The following TSPAN18 variants were observed in gnomAD, a reference collection of about 807,000 sequenced individuals.
TSPAN18 encodes the protein tetraspanin 18.
A neutral mutation model predicts 27.3 loss-of-function variants in TSPAN18; 14 were observed. The observed-to-expected ratio is 0.51, with a 90% CI of 0.34 to 0.80. TSPAN18 has a LOEUF of 0.80. Among genes scored for constraint, TSPAN18 ranks in the 30% least tolerant of loss-of-function variants. The pLI, the probability that TSPAN18 is intolerant of heterozygous loss-of-function variation, is 0.01. For synonymous variants in TSPAN18, 143 were observed against 136.5 expected (o/e 1.05, Z -0.33); for missense variants, 268 against 323.9 (o/e 0.83, Z 1.32).
intron 2 of TSPAN18, among the ~76,000 whole-genome samples, chr11:44,835,929 G>A (rs953680124): frequency 6.6e-6 from 1 of 152,136 alleles, no homozygotes; most frequent in African/African-American, 2.4e-5. Flanking sequence ...ACCCTTATAT[G>A]ATGGTGGATT....
At chr11:44,846,644 G>C (rs149974442) in intron 2 of TSPAN18, among the ~76,000 whole-genome samples, 84 of 151,910 alleles carry the variant, frequency 5.5e-4, no homozygotes, top group African/African-American at 1.8e-3. Flanking sequence ...GTGTGCACCT[G>C]TGCTGGGGCC....
At chr11:44,884,522 C>A (rs1003932117) in intron 3 of TSPAN18, among the ~76,000 whole-genome samples, 1 of 152,308 alleles carries the variant, frequency 6.6e-6, no homozygotes, top group South Asian at 2.1e-4. Context: ...GGAAAGATCC[C>A]CCCTGTGCGG....
At position 44,929,298 on chromosome 11, in the gene TSPAN18, T is replaced by C; in HGVS notation, c.*120T>C. ...GGGGAGAAGATGAGGCCATCAGAGA[T>C]GGCCAGGAGAAGGGCCAGGGGAATA... On this transcript the variant is annotated 3_prime_UTR_variant, in exon 10 of 10. Transcript: ENST00000520358. The C allele has an allele frequency of 1.6e-6, 2 of 1,275,950 alleles. No homozygotes were observed. The highest frequency in any genetic ancestry group is 2.3e-5 in the East Asian group (1 of 42,976). 79.0% of individuals were successfully genotyped at this position (1,275,950 alleles called of 1,614,324 possible).
At chr11:44,793,967 G>A (rs1233971620) in intron 2 of TSPAN18, among the ~76,000 whole-genome samples, 1 of 152,040 alleles carries the variant, frequency 6.6e-6, no homozygotes, top group Non-Finnish European at 1.5e-5. Context: ...TTTCTGAAAG[G>A]TTGAGGAACA....
At chr11:44,806,457 C>T (rs77038862) in intron 2 of TSPAN18, among the ~76,000 whole-genome samples, 137 of 152,292 alleles carry the variant, frequency 9.0e-4, no homozygotes, top group African/African-American at 3.1e-3. Context: ...GACACTGTTC[C>T]GGATTTGCCA....
Position 44,929,208 on chromosome 11 carries a change from C to T in TSPAN18, c.*30C>T. 1.2e-6 allele frequency: 2 copies of T among 1,613,132 alleles called. No individual in the cohort carries two copies. The highest frequency in any genetic ancestry group is 1.1e-5 in the South Asian group (1 of 91,074). ...TATGGCCTGAAGCCTGAAGACTCGC[C>T]CCACCCACCACTGCCCAGCACCCAG... On this transcript the variant is annotated 3_prime_UTR_variant, in exon 10 of 10. Coordinates refer to ENST00000520358, the MANE Select transcript of TSPAN18 (RefSeq NM_130783.5).
intron 3 of TSPAN18, among the ~76,000 whole-genome samples, chr11:44,880,553 C>T (rs1474396230): frequency 6.6e-6 from 1 of 152,222 alleles, no homozygotes; most frequent in African/African-American, 2.4e-5. Context: ...GAGGCCTGGT[C>T]TGATAGTCCC....
intron 4 of TSPAN18, among the ~76,000 whole-genome samples, chr11:44,908,083 T>C (rs1013756822): frequency 7.0e-6 from 1 of 143,564 alleles, no homozygotes; most frequent in Non-Finnish European, 1.5e-5. Flanking sequence ...AGAGAGACAC[T>C]GCACAGCAGA....
intron 2 of TSPAN18, among the ~76,000 whole-genome samples, chr11:44,834,724 T>G (rs1436460961): frequency 1.3e-5 from 2 of 152,062 alleles, no homozygotes; most frequent in Non-Finnish European, 2.9e-5. Flanking sequence ...ATCTGAAAAA[T>G]GAGAATAATC....
chr11:44,823,569 G>A (rs1856973823), intron 2 of TSPAN18, among the ~76,000 whole-genome samples: 1 of 152,174 alleles, frequency 6.6e-6, no homozygotes, highest in African/African-American at 2.4e-5. Flanking sequence ...GTAGGTAAGT[G>A]TAGAATAGGT....
intron 2 of TSPAN18, among the ~76,000 whole-genome samples, chr11:44,807,527 C>CAGAAAAAAAAA (rs1565158576): frequency 1.6e-5 from 1 of 64,480 alleles, no homozygotes; most frequent in Non-Finnish European, 2.7e-5. Context: ...AACTCCATCT[C>CAGAAAAAAAAA]AAAAAAAAAA....
chr11:44,733,654 G>A (rs551399660), intron 1 of TSPAN18, among the ~76,000 whole-genome samples: 1 of 152,164 alleles, frequency 6.6e-6, no homozygotes, highest in African/African-American at 2.4e-5. Context: ...GGAAACTAAC[G>A]GAGAAGGGTC....
At chr11:44,928,004 C>T (rs1860431316) in intron 9 of TSPAN18, among the ~76,000 whole-genome samples, 1 of 152,190 alleles carries the variant, frequency 6.6e-6, no homozygotes. Flanking sequence ...GAATCCTGCT[C>T]AAGACGGAGA....
rs76966398 is a variant in TSPAN18 at position 44,909,548 on chromosome 11, G to A, written c.64-157G>A. On this transcript the variant is annotated intron_variant, in intron 4 of 9. Transcript: ENST00000520358. The stretch of plus-strand genomic sequence containing the variant: ...TTAAAAGCAATTCAAGGTGCGGCTG[G>A]GACTCACTGGCTCTCGCCGCAGGTG... 424 of 665,716 alleles carry A rather than the reference G, an allele frequency of 6.4e-4. No individual in the cohort carries two copies. In the African/African-American group the frequency reaches 7.1e-3, roughly 11 times the overall value. The allele number at this position is 665,716 out of a possible 1,614,324, so 41.2% of individuals were successfully genotyped here. A position where few individuals can be genotyped will look rare whatever the true frequency, so the allele number is the denominator to read the frequency against.
At chr11:44,881,712 C>T (rs1453426882) in intron 3 of TSPAN18, among the ~76,000 whole-genome samples, 3 of 152,202 alleles carry the variant, frequency 2.0e-5, no homozygotes, top group Admixed American at 6.5e-5. Context: ...GGAGGCACTG[C>T]CTGCCCAAGG....
intron 9 of TSPAN18, 48 bp from the exon 10 acceptor site, chr11:44,929,083 A>C (rs757177397): frequency 1.1e-5 from 18 of 1,611,226 alleles, no homozygotes; most frequent in Non-Finnish European, 1.5e-5. Context: ...CAGCCCACAA[A>C]GGGCCCAGCC....
At chr11:44,842,555 GA>G (rs1857394823) in intron 2 of TSPAN18, among the ~76,000 whole-genome samples, 1 of 152,170 alleles carries the variant, frequency 6.6e-6, no homozygotes, top group African/African-American at 2.4e-5. Context: ...TGAAGTCAGG[GA>G]GGGATAATAA....
chr11:44,794,112 C>T (rs1856292610), intron 2 of TSPAN18, among the ~76,000 whole-genome samples: 1 of 152,190 alleles, frequency 6.6e-6, no homozygotes. Context: ...GCCCCTTCCC[C>T]TGGCATCCTG....
At chr11:44,861,792 TTCAC>T (rs1857894300) in intron 3 of TSPAN18, among the ~76,000 whole-genome samples, 1 of 72,724 alleles carries the variant, frequency 1.4e-5, no homozygotes, top group Non-Finnish European at 2.7e-5. Flanking sequence ...AAGCCCAAAT[TTCAC>T]ACACACACAC....
Sources: gnomAD v4.1 joint callset for allele counts (sites outside exome capture counted in the v4.1 genomes callset) on GRCh38, gnomAD v4.1.1 for gene constraint, MANE v1.5 for transcripts, NCBI Gene and HGNC (gene_info 2026-07-23, HGNC 2026-07-21) for gene names.